PPM1G: variants seen among roughly 807,000 people sequenced by gnomAD.
PPM1G encodes the protein protein phosphatase, Mg2+/Mn2+ dependent 1G.
In PPM1G, 12 loss-of-function variants were observed where a neutral mutation model predicts 59.4. That is an observed-to-expected ratio of 0.20 (90% CI 0.13 to 0.33). The LOEUF is 0.33. Among genes scored for constraint, PPM1G ranks in the 10% least tolerant of loss-of-function variants. PPM1G has a pLI of 1.00. For synonymous variants in PPM1G, 245 were observed against 251.9 expected (o/e 0.97, Z 0.26); for missense variants, 392 against 681.3 (o/e 0.58, Z 4.73).
In PPM1G at chr2:27,381,607, G is replaced by T. The variant is rs375191761; in HGVS notation, c.1633C>A (p.Arg545=). 8 of 1,614,068 alleles carry T rather than the reference G, an allele frequency of 5.0e-6. No homozygotes were observed. The South Asian group carries it at 7.7e-5, about 16-fold the overall frequency. The part of the protein sequence containing the change: ...GNSDKKKKAK[R]D ...AGGGGTCTGGATGACTGCTAGTCTCGCTTGGCCTTCTTCTTCTTGTCGCTG... is the reference window on the plus strand; with the variant it reads ...AGGGGTCTGGATGACTGCTAGTCTCTCTTGGCCTTCTTCTTCTTGTCGCTG... The change falls in exon 10 of 10, where the codon CGA becomes AGA. Residue 545 remains arginine, a synonymous_variant. Transcript: ENST00000344034.
At chr2:27,407,580 T>C (rs753118565) in intron 1 of PPM1G, among the ~76,000 whole-genome samples, 6 of 152,154 alleles carry the variant, frequency 3.9e-5, no homozygotes, top group Non-Finnish European at 8.8e-5. Context: ...ATATTTCTAA[T>C]AGACAATTAC....
intron 1 of PPM1G, among the ~76,000 whole-genome samples, chr2:27,392,549 C>T (rs1683939947): frequency 6.7e-6 from 1 of 148,742 alleles, no homozygotes; most frequent in Admixed American, 6.9e-5. Flanking sequence ...CCCGCCTCAG[C>T]CTCCCAAAGT....
chr2:27,400,221 ATC>A (rs775179619), intron 1 of PPM1G, among the ~76,000 whole-genome samples: 11 of 151,874 alleles, frequency 7.2e-5, no homozygotes, highest in Non-Finnish European at 1.2e-4. Flanking sequence ...ACACAGCGAA[ATC>A]TCGTCTCTAC....
intron 1 of PPM1G, among the ~76,000 whole-genome samples, chr2:27,398,130 C>G (rs1366162388): frequency 1.3e-5 from 2 of 152,008 alleles, no homozygotes; most frequent in East Asian, 3.8e-4. Flanking sequence ...CTACAGTAAC[C>G]AAGATAGTGT....
At position 27,390,483 on chromosome 2, in the gene PPM1G, G is replaced by A. The variant is rs1558318141; in HGVS notation, c.121-3325C>T. Among the ~76,000 whole-genome samples the A allele has an allele frequency of 3.9e-5, 6 of 152,162 alleles. No homozygotes were observed. In the South Asian group the frequency reaches 1.2e-3, roughly 32 times the overall value. ...CTCATGCATGTAATCTCAACATTTT[G>A]GGAGGTCAAGGCAGGAGGACTGCTT... On this transcript the variant is annotated intron_variant, in intron 1 of 9. Coordinates refer to ENST00000344034, the MANE Select transcript of PPM1G (RefSeq NM_177983.3).
At chr2:27,406,311 G>A (rs1372237359) in intron 1 of PPM1G, among the ~76,000 whole-genome samples, 1 of 152,124 alleles carries the variant, frequency 6.6e-6, no homozygotes, top group Non-Finnish European at 1.5e-5. Context: ...TAAGATTCAG[G>A]GAAGAGGCTA....
In PPM1G at chr2:27,382,633, G is replaced by T; in HGVS notation, c.1202-28C>A. The stretch of plus-strand genomic sequence containing the variant: ...GGAGTAAAGGAATGGTTGATGAGCA[G>T]TTTGGATACTTCCCACAGACTTGTG... On this transcript the variant is annotated intron_variant, in intron 7 of 9. Coordinates refer to ENST00000344034, the MANE Select transcript of PPM1G (RefSeq NM_177983.3). This position sits in a 1 kb window ranked among gnomAD's most constrained non-coding sequence, Gnocchi z 4.2. The T allele has an allele frequency of 6.2e-7, 1 of 1,613,428 alleles. No individual in the cohort carries two copies. Among genetic ancestry groups the T allele is most frequent in the Non-Finnish European group, 8.5e-7 (1 of 1,179,616 alleles).
chr2:27,382,453 T>C lies in PPM1G; in HGVS notation c.1331+23A>G. 10 of 1,613,498 alleles carry C rather than the reference T, an allele frequency of 6.2e-6. No individual in the cohort carries two copies. The highest frequency in any genetic ancestry group is 7.6e-6 in the Non-Finnish European group (9 of 1,179,828). ...AAGACATGCTGCAGAAAGGGGAATT[T>C]AGGGCATTCTGCCAGTGCTCACCAG... On this transcript the variant is annotated intron_variant, in intron 8 of 9. Coordinates refer to ENST00000344034, the MANE Select transcript of PPM1G (RefSeq NM_177983.3). This position sits in a 1 kb window ranked among gnomAD's most constrained non-coding sequence, Gnocchi z 4.2.
chr2:27,382,829 G>T lies in PPM1G; in HGVS notation c.1202-224C>A, dbSNP rs1463737554. Among the ~76,000 whole-genome samples, 280 of 140,614 alleles carry T rather than the reference G, an allele frequency of 2.0e-3. 1 individual carries two copies. Among genetic ancestry groups the T allele is most frequent in the African/African-American group, 6.6e-3 (252 of 37,976 alleles). 92.2% of individuals were successfully genotyped at this position (140,614 alleles called of 152,430 possible). On this transcript the variant is annotated intron_variant, in intron 7 of 9. Coordinates refer to ENST00000344034, the MANE Select transcript of PPM1G (RefSeq NM_177983.3). This position sits in a 1 kb window ranked among gnomAD's most constrained non-coding sequence, Gnocchi z 4.2. ...GGTCTTTTTATTTTAAGTCTTTTTT[G>T]TTTTTTTTTTTTTGAGACGGAGTTT...
rs1311734707 is a variant in PPM1G at position 27,404,436 on chromosome 2, G to C, written c.120+4867C>G. Among the ~76,000 whole-genome samples the C allele has an allele frequency of 4.0e-5, 6 of 151,830 alleles. No individual in the cohort carries two copies. The East Asian group carries it at 5.8e-4, about 15-fold the overall frequency. On this transcript the variant is annotated intron_variant, in intron 1 of 9. Transcript: ENST00000344034. ...CTGGTGGCAGACTCCTGTAATCCCA[G>C]CTATTTGGAAGGCTGAGGCAGGAGA...
rs1483446445 is a variant in PPM1G at position 27,387,079 on chromosome 2, T to C, written c.190+10A>G. Reference sequence around the variant, plus strand: ...CCTAGAATGTTACCAATATGATCTGTTAAAGTTACCTCCATGTCCATCGTA... The same window carrying C: ...CCTAGAATGTTACCAATATGATCTGCTAAAGTTACCTCCATGTCCATCGTA... On this transcript the variant is annotated intron_variant, in intron 2 of 9. Coordinates refer to ENST00000344034, the MANE Select transcript of PPM1G (RefSeq NM_177983.3). 1.2e-6 allele frequency: 2 copies of C among 1,602,436 alleles called. No homozygotes were observed. Among genetic ancestry groups the C allele is most frequent in the South Asian group, 1.1e-5 (1 of 90,846 alleles).
intron 2 of PPM1G, 42 bp downstream of exon 2, chr2:27,387,047 T>C (rs754058637): frequency 1.1e-5 from 17 of 1,491,176 alleles, no homozygotes; most frequent in African/African-American, 4.2e-5. Context: ...ACGTCTGGAA[T>C]TGGGGTCCTA....
chr2:27,381,538 C>T lies in PPM1G; in HGVS notation c.*61G>A, dbSNP rs895316188. On this transcript the variant is annotated 3_prime_UTR_variant, in exon 10 of 10. Coordinates refer to ENST00000344034, the MANE Select transcript of PPM1G (RefSeq NM_177983.3). ...CTAAGGCTAAAGGAAAAAGACAAAA[C>T]TCAGTCTCAGGTCCGGAGGGCTCAG... 3 of 1,594,954 alleles carry T rather than the reference C, an allele frequency of 1.9e-6. No individual in the cohort carries two copies. Among genetic ancestry groups the T allele is most frequent in the Non-Finnish European group, 2.6e-6 (3 of 1,163,282 alleles).
At chr2:27,396,586 G>T (rs866631088) in intron 1 of PPM1G, among the ~76,000 whole-genome samples, 6 of 151,652 alleles carry the variant, frequency 4.0e-5, no homozygotes, top group Non-Finnish European at 5.9e-5. Context: ...AGGCCGAGGC[G>T]GGCGGATCAC....
chr2:27,398,542 G>A (rs1684103707), intron 1 of PPM1G, among the ~76,000 whole-genome samples: 1 of 152,182 alleles, frequency 6.6e-6, no homozygotes, highest in African/African-American at 2.4e-5. Flanking sequence ...AGCAAAAAGA[G>A]GCTGAGTGTG....
rs759697236 is a variant in PPM1G at position 27,385,634 on chromosome 2, A to G, written c.409+113T>C. 5 of 1,374,228 alleles carry G rather than the reference A, an allele frequency of 3.6e-6. No individual in the cohort carries two copies. The highest frequency in any genetic ancestry group is 2.9e-5 in the African/African-American group (2 of 68,368). The allele number at this position is 1,374,228 out of a possible 1,614,324, so 85.1% of individuals were successfully genotyped here. A position where few individuals can be genotyped will look rare whatever the true frequency, so the allele number is the denominator to read the frequency against. Reference sequence around the variant, plus strand: ...GGAGAACATCATAGGTTTCTTTAACATAAGGACTCCCCAGGTCCCTAGAAA... The same window carrying G: ...GGAGAACATCATAGGTTTCTTTAACGTAAGGACTCCCCAGGTCCCTAGAAA... On this transcript the variant is annotated intron_variant, in intron 4 of 9. Coordinates refer to ENST00000344034, the MANE Select transcript of PPM1G (RefSeq NM_177983.3). The surrounding 1 kb of genome is among the most constrained non-coding windows in gnomAD (Gnocchi z 4.1).
chr2:27,406,768 C>G (rs1220153526), intron 1 of PPM1G, among the ~76,000 whole-genome samples: 1 of 151,534 alleles, frequency 6.6e-6, no homozygotes, highest in Non-Finnish European at 1.5e-5. Flanking sequence ...AGAAGGGTAC[C>G]AAAGAAATGA....
intron 1 of PPM1G, chr2:27,392,865 G>T: frequency 6.9e-7 from 1 of 1,449,128 alleles, no homozygotes; most frequent in Non-Finnish European, 9.6e-7. Flanking sequence ...CTCCCATCTC[G>T]TGCATGTTGG....
At chr2:27,393,902 T>C (rs1024737143) in intron 1 of PPM1G, among the ~76,000 whole-genome samples, 6 of 152,178 alleles carry the variant, frequency 3.9e-5, no homozygotes, top group African/African-American at 1.4e-4. Context: ...TACCTGGGAC[T>C]ACAGGTGCCT....
Sources: gnomAD v4.1 joint callset for allele counts (sites outside exome capture counted in the v4.1 genomes callset) on GRCh38, gnomAD v4.1.1 for gene constraint, Gnocchi (gnomAD v3.1) non-coding constraint, MANE v1.5 for transcripts, NCBI Gene and HGNC (gene_info 2026-07-23, HGNC 2026-07-21) for gene names.